The following ADGRL3 variants were observed in gnomAD, a reference collection of about 807,000 sequenced individuals.
ADGRL3 encodes adhesion G protein-coupled receptor L3.
Under a neutral mutation model 153.5 loss-of-function variants are expected in ADGRL3, and 62 were observed. The observed-to-expected ratio is 0.40, with a 90% CI of 0.33 to 0.50. ADGRL3 has a LOEUF of 0.50. Ranked by LOEUF, ADGRL3 falls within the 20% of genes least tolerant of loss-of-function variation. The probability of loss-of-function intolerance (pLI) is 0.47; values close to 1 mark genes in which losing one functional copy is unlikely to be tolerated. For synonymous variants in ADGRL3, 710 were observed against 672.5 expected (o/e 1.06, Z -0.86); for missense variants, 1,641 against 1,859.4 (o/e 0.88, Z 2.16).
chr4:61,543,118 T>G (rs1254790299), intron 4 of ADGRL3, among the ~76,000 whole-genome samples: 1 of 151,980 alleles, frequency 6.6e-6, no homozygotes, highest in East Asian at 1.9e-4. Flanking sequence ...TTCTTTATGG[T>G]AGGCAGAATT....
chr4:61,545,702 G>T (rs993004915), intron 4 of ADGRL3, among the ~76,000 whole-genome samples: 6 of 151,972 alleles, frequency 3.9e-5, no homozygotes, highest in Admixed American at 1.3e-4. Context: ...TTTAGTAGAG[G>T]CAGGGTTTGG....
intron 23 of ADGRL3, among the ~76,000 whole-genome samples, chr4:62,035,411 G>T (rs890164579): frequency 6.6e-6 from 1 of 151,866 alleles, no homozygotes; most frequent in Non-Finnish European, 1.5e-5. Context: ...ATTTGTTTAG[G>T]TTTACATCAC....
chr4:61,673,540 A>C (rs2095078322), intron 5 of ADGRL3, among the ~76,000 whole-genome samples: 1 of 151,664 alleles, frequency 6.6e-6, no homozygotes, highest in Non-Finnish European at 1.5e-5. Context: ...TTTACTTTTA[A>C]AAATTTTGAA....
intron 5 of ADGRL3, among the ~76,000 whole-genome samples, chr4:61,625,378 C>T (rs1269275029): frequency 1.3e-5 from 2 of 151,940 alleles, no homozygotes; most frequent in African/African-American, 4.8e-5. Flanking sequence ...ATATTAGATG[C>T]TTTAATGCTA....
intron 17 of ADGRL3, among the ~76,000 whole-genome samples, chr4:61,950,166 T>G (rs28484949): frequency 0.017 from 2,649 of 152,272 alleles, 81 homozygotes; most frequent in African/African-American, 0.061. Context: ...AACCATACTG[T>G]TCAGTTCAGC....
intron 9 of ADGRL3, among the ~76,000 whole-genome samples, chr4:61,876,573 A>C (rs576213501): frequency 6.6e-6 from 1 of 152,266 alleles, no homozygotes; most frequent in African/African-American, 2.4e-5. Flanking sequence ...TACAATCATT[A>C]CAAATCACAG....
chr4:61,283,371 G>A (rs2093800589), intron 1 of ADGRL3, among the ~76,000 whole-genome samples: 1 of 152,056 alleles, frequency 6.6e-6, no homozygotes, highest in Admixed American at 6.6e-5. Context: ...AGAACTGAGA[G>A]TTTTTCAGGG....
intron 2 of ADGRL3, among the ~76,000 whole-genome samples, chr4:61,390,419 A>G (rs2096789250): frequency 1.3e-5 from 2 of 152,168 alleles, no homozygotes; most frequent in African/African-American, 4.8e-5. Flanking sequence ...GCTACGTTGA[A>G]TAGAATGAGG....
chr4:61,342,609 A>T (rs968284395), intron 1 of ADGRL3, among the ~76,000 whole-genome samples: 4 of 151,482 alleles, frequency 2.6e-5, no homozygotes, highest in African/African-American at 9.7e-5. Flanking sequence ...CTCTTTTGAG[A>T]CTCTTGCCAT....
At chr4:61,521,305 C>CT (rs2098529715) in intron 4 of ADGRL3, among the ~76,000 whole-genome samples, 1 of 152,060 alleles carries the variant, frequency 6.6e-6, no homozygotes, top group Admixed American at 6.6e-5. Context: ...ACACAAGGGC[C>CT]TAGTTCAGGA....
intron 21 of ADGRL3, among the ~76,000 whole-genome samples, chr4:62,028,627 G>A (rs1720248287): frequency 6.6e-6 from 1 of 151,712 alleles, no homozygotes; most frequent in South Asian, 2.1e-4. Flanking sequence ...ATGGAATTTT[G>A]AGTCTTAGAA....
At chr4:61,929,157 G>A (rs1051908511) in intron 13 of ADGRL3, among the ~76,000 whole-genome samples, 3 of 152,114 alleles carry the variant, frequency 2.0e-5, no homozygotes, top group African/African-American at 7.2e-5. Context: ...CTGGTGGGGT[G>A]ATTAGGCCAA....
Position 61,737,698 on chromosome 4 carries a change from T to G in ADGRL3, c.1399+4144T>G, listed in dbSNP as rs111348861. ...AAGGACCATTTTTATCCACATTTTC[T>G]AAATGAAGGCCCTTTTAAAGCACTG... On this transcript the variant is annotated intron_variant, in intron 8 of 26. Transcript: ENST00000683033. 9.7e-4 allele frequency among the ~76,000 whole-genome samples: 148 copies of G among 152,324 alleles called. 2 individuals are homozygous for G. Among genetic ancestry groups the G allele is most frequent in the African/African-American group, 3.5e-3 (144 of 41,586 alleles).
chr4:61,904,100 G>GT (rs555720456), intron 11 of ADGRL3, among the ~76,000 whole-genome samples: 4 of 145,614 alleles, frequency 2.7e-5, no homozygotes, highest in East Asian at 4.2e-4. Flanking sequence ...TTTCACTTCA[G>GT]TTTTTTTCCT....
At position 61,936,011 on chromosome 4, in the gene ADGRL3, G is replaced by A. The variant is rs748658446; in HGVS notation, c.2385G>A (p.Leu795=). The part of the protein sequence containing the change: ...ENMGHGSTIQ[L]SANTLKQNGR... Reference sequence around the variant, plus strand: ...TGGGCCATGGAAGCACTATCCAGCTGTCTGCAAATACCTTAAAGCAAAATG... The same window carrying A: ...TGGGCCATGGAAGCACTATCCAGCTATCTGCAAATACCTTAAAGCAAAATG... Residue 795 remains leucine (L), a synonymous_variant, in exon 15 of 27, where the codon CTG becomes CTA. Transcript: ENST00000683033. 1 of 1,610,506 alleles carries A rather than the reference G, an allele frequency of 6.2e-7. No homozygotes were observed. Among genetic ancestry groups the A allele is most frequent in the South Asian group, 1.1e-5 (1 of 90,284 alleles).
In ADGRL3 at chr4:61,715,947, T is replaced by TAA. The variant is rs59481591; in HGVS notation, c.584-14653_584-14652dup. Among the ~76,000 whole-genome samples, 670 of 85,370 alleles carry TAA rather than the reference T, an allele frequency of 7.8e-3. 3 individuals are homozygous for TAA. Among genetic ancestry groups the TAA allele is most frequent in the East Asian group, 0.011 (39 of 3,426 alleles). 56.0% of individuals were successfully genotyped at this position (85,370 alleles called of 152,430 possible). A position where few individuals can be genotyped will look rare whatever the true frequency, so the allele number is the denominator to read the frequency against. The stretch of plus-strand genomic sequence containing the variant: ...AGGGAGAGTTTGTTTGCCCTTAAAG[T>TAA]AAAAAAAAAAAAAAAAAAAAAAATC... On this transcript the variant is annotated intron_variant, in intron 6 of 26. Transcript: ENST00000683033.
intron 21 of ADGRL3, among the ~76,000 whole-genome samples, chr4:62,016,021 T>G (rs1466957247): frequency 1.3e-5 from 2 of 151,862 alleles, no homozygotes; most frequent in African/African-American, 4.8e-5. Flanking sequence ...CTTCATTCCC[T>G]TTTATTTTCT....
At chr4:61,879,146 A>G (rs1220472637) in intron 9 of ADGRL3, among the ~76,000 whole-genome samples, 2 of 152,166 alleles carry the variant, frequency 1.3e-5, no homozygotes, top group African/African-American at 4.8e-5. Flanking sequence ...GCATAATCTG[A>G]ATTTGATTAT....
rs572924422 is a variant in ADGRL3, at chr4:62,018,729, G to A, written c.3396-10126G>A. Among the ~76,000 whole-genome samples the A allele has an allele frequency of 6.6e-5, 10 of 152,288 alleles. No individual in the cohort carries two copies. The South Asian group carries it at 2.1e-3, about 32-fold the overall frequency. On this transcript the variant is annotated intron_variant, in intron 21 of 26. Coordinates refer to ENST00000683033, the MANE Select transcript of ADGRL3 (RefSeq NM_001387552.1). Reference sequence around the variant, plus strand: ...TCATTGCCCCAGCTTTCCTTTCAGAGGAAGGCCTGTCCTGCTGGAACTGGG... The same window carrying A: ...TCATTGCCCCAGCTTTCCTTTCAGAAGAAGGCCTGTCCTGCTGGAACTGGG...
Sources: gnomAD v4.1 joint callset for allele counts (sites outside exome capture counted in the v4.1 genomes callset) on GRCh38, gnomAD v4.1.1 for gene constraint, MANE v1.5 for transcripts, NCBI Gene and HGNC (gene_info 2026-07-23, HGNC 2026-07-21) for gene names.